Variants in NOA1 observed in about 807,000 individuals in gnomAD.
NOA1 encodes the protein nitric oxide associated 1, also known as nitric oxide-associated protein 1.
Under a neutral mutation model 58.4 loss-of-function variants are expected in NOA1, and 35 were observed. The observed-to-expected ratio is 0.60, with a 90% confidence interval of 0.46 to 0.79. The LOEUF is 0.79. NOA1 is among the 30% of genes least tolerant of loss of function. The pLI, the probability that NOA1 is intolerant of heterozygous loss-of-function variation, is 0.00. For synonymous variants in NOA1, 397 were observed against 373.4 expected (o/e 1.06, Z -0.73); for missense variants, 895 against 894.6 (o/e 1.00, Z -0.01).
rs373108884 is a variant in NOA1 at position 56,964,318 on chromosome 4, C to T, written c.1885+88G>A. 8.6e-6 allele frequency: 13 copies of T among 1,508,526 alleles called. No homozygotes were observed. The East Asian group carries it at 1.2e-4, about 13-fold the overall frequency. 93.4% of individuals were successfully genotyped at this position (1,508,526 alleles called of 1,614,324 possible). ...CCGACCTCAGGTGATCCGCCCACCTCGGCCTCACAAAGTGCTGGGATTACA... is the reference window on the plus strand; with the variant it reads ...CCGACCTCAGGTGATCCGCCCACCTTGGCCTCACAAAGTGCTGGGATTACA... On this transcript the variant is annotated intron_variant, in intron 6 of 6. Coordinates refer to ENST00000264230, the MANE Select transcript of NOA1 (RefSeq NM_032313.4).
chr4:56,969,503 C>T lies in NOA1; in HGVS notation c.1516-988G>A, dbSNP rs570707045. 7.9e-5 allele frequency among the ~76,000 whole-genome samples: 12 copies of T among 152,154 alleles called. No individual in the cohort carries two copies. The East Asian group carries it at 1.4e-3, about 17-fold the overall frequency. ...AGGAGAATCACTTGAATCCGGGAGG[C>T]GGAGGTTGTGGTGAGCCGAGATTGC... is the stretch of plus-strand genomic sequence containing the variant. On this transcript the variant is annotated intron_variant, in intron 3 of 6. Transcript: ENST00000264230.
Position 56,968,004 on chromosome 4 carries a change from G to A in NOA1, c.1647+380C>T, listed in dbSNP as rs188613830. On this transcript the variant is annotated intron_variant, in intron 4 of 6. Coordinates refer to ENST00000264230, the MANE Select transcript of NOA1 (RefSeq NM_032313.4). ...GCAATTTCAGCTCACTGCAGCCTCC[G>A]CCTCCCAGGTTTAAGTGATCTTCCT... Among the ~76,000 whole-genome samples, 81 of 150,056 alleles carry A rather than the reference G, an allele frequency of 5.4e-4. 1 individual carries two copies. Among genetic ancestry groups the A allele is most frequent in the Non-Finnish European group, 9.0e-4 (61 of 67,736 alleles).
chr4:56,965,124 C>T (rs968223308), intron 5 of NOA1, among the ~76,000 whole-genome samples: 8 of 152,108 alleles, frequency 5.3e-5, no homozygotes, highest in African/African-American at 1.2e-4. Flanking sequence ...CTCAGCCTCC[C>T]GAGTAACTGG....
In NOA1 at chr4:56,968,420, C is replaced by G. The variant is rs1472794247; in HGVS notation, c.1611G>C (p.Leu537=). 6.2e-7 allele frequency: 1 copy of G among 1,613,066 alleles called. No individual in the cohort carries two copies. Among genetic ancestry groups the G allele is most frequent in the Non-Finnish European group, 8.5e-7 (1 of 1,179,786 alleles). Residue 537 remains leucine (L), a synonymous_variant, in exon 4 of 7, where the codon CTG becomes CTC. Coordinates refer to ENST00000264230, the MANE Select transcript of NOA1 (RefSeq NM_032313.4). ...CTATGCGGCCTATAGCACCCAAAAA[C>G]AGAACCATTCCTGGTTTAAGCACAA... is the stretch of plus-strand genomic sequence containing the variant. ...RTFVLKPGMV[L]FLGAIGRIDF...
chr4:56,977,531 C>T lies in NOA1; in HGVS notation c.55G>A (p.Ala19Thr). Reference protein sequence around the residue: ...RLLSLFLRGSAPTAARHGLRE... With the variant: ...RLLSLFLRGSTPTAARHGLRE... ...AGGCCATGGCGCGCTGCCGTGGGAG[C>T]GGATCCACGAAGGAAAAGGCTCAGC... The change falls in exon 1 of 7, where the codon GCT becomes ACT. Residue 19 changes from alanine to threonine, a missense_variant. Physicochemically the swap from Ala to Thr is moderately conservative, Grantham distance 58. Transcript: ENST00000264230. 1.9e-6 allele frequency: 3 copies of T among 1,612,344 alleles called. No individual in the cohort carries two copies. The highest frequency in any genetic ancestry group is 1.3e-5 in the African/African-American group (1 of 75,018).
intron 1 of NOA1, among the ~76,000 whole-genome samples, chr4:56,975,441 G>T (rs1329551525): frequency 2.0e-5 from 3 of 147,710 alleles, no homozygotes; most frequent in Non-Finnish European, 4.5e-5. Context: ...GACCTGCCTG[G>T]CCAACATGTT....
At chr4:56,967,919 G>GTT (rs34091656) in intron 4 of NOA1, among the ~76,000 whole-genome samples, 15 of 141,136 alleles carry the variant, frequency 1.1e-4, no homozygotes, top group Admixed American at 1.4e-4. Context: ...TTTTCCCCAA[G>GTT]TTTTTTTTTT....
chr4:56,965,593 G>A (rs537402018), intron 5 of NOA1, among the ~76,000 whole-genome samples: 1 of 152,092 alleles, frequency 6.6e-6, no homozygotes, highest in South Asian at 2.1e-4. Flanking sequence ...ATGAGTCAAA[G>A]TTATTTGGTG....
rs573556220 is a variant in NOA1 at position 56,977,225 on chromosome 4, A to G, written c.361T>C (p.Ser121Pro). The G allele has an allele frequency of 6.3e-7, 1 of 1,584,512 alleles. No homozygotes were observed. The highest frequency in any genetic ancestry group is 8.6e-7 in the Non-Finnish European group (1 of 1,167,448). ...ERRQQNLRAR[S>P]REHPVVGHPD... is the part of the protein sequence containing the mutation. ...TGCCCCACGACCGGGTGCTCCCGGG[A>G]CCTGGCCCGTAGGTTTTGCTGTCGC... Residue 121 changes from serine to proline, a missense_variant, in exon 1 of 7, where the codon TCC (serine) becomes CCC (proline). By Grantham distance (74) the Ser-to-Pro change is moderately conservative. Transcript: ENST00000264230.
chr4:56,977,118 G>A lies in NOA1; in HGVS notation c.468C>T (p.Pro156=), dbSNP rs563555618. The change falls in exon 1 of 7, where the codon CCC becomes CCT. Residue 156 remains proline (P), a synonymous_variant. Transcript: ENST00000264230. ...AELHCQDAGV[P]GYLPREKFLR... is the part of the protein sequence containing the mutation. The stretch of plus-strand genomic sequence containing the variant: ...GGAACTTCTCTCGGGGCAGGTAGCC[G>A]GGCACTCCGGCGTCCTGGCAGTGCA... The A allele has an allele frequency of 2.1e-5, 32 of 1,556,780 alleles. 1 individual carries two copies. The Middle Eastern group carries it at 1.2e-3, about 59-fold the overall frequency.
Position 56,976,874 on chromosome 4 carries a change from C to T in NOA1, c.712G>A (p.Val238Met), listed in dbSNP as rs1186399066. 1.9e-6 allele frequency: 3 copies of T among 1,613,122 alleles called. No individual in the cohort carries two copies. Among genetic ancestry groups the T allele is most frequent in the Admixed American group, 1.7e-5 (1 of 60,024 alleles). Residue 238 changes from valine (V) to methionine (M), a missense_variant, in exon 1 of 7, where the codon GTG becomes ATG. Physicochemically the swap from Val to Met is conservative, Grantham distance 21. Around this residue, in one of 3 missense-constraint regions of NOA1, gnomAD observed 680 missense variants for 656.5 expected, o/e 1.04. Transcript: ENST00000264230. ...DALLPDLPAL[V>M]GPKQLIVLGN... ...AGCACGATCAGCTGCTTGGGGCCCA[C>T]CAGCGCGGGCAAGTCGGGCAGCAGG...
rs568096274 is a variant in NOA1, at chr4:56,973,715, G to A, written c.1309+143C>T. Reference sequence around the variant, plus strand: ...TGGGTTTCCAAACAGTAGCCTTATCGCTAAAGGGCCTCTTTGTTGCAGAAT... The same window carrying A: ...TGGGTTTCCAAACAGTAGCCTTATCACTAAAGGGCCTCTTTGTTGCAGAAT... On this transcript the variant is annotated intron_variant, in intron 2 of 6. Coordinates refer to ENST00000264230, the MANE Select transcript of NOA1 (RefSeq NM_032313.4). 3.4e-4 allele frequency: 269 copies of A among 788,544 alleles called. 2 individuals carry two copies. In the South Asian group the frequency reaches 3.8e-3, roughly 11 times the overall value. The allele number at this position is 788,544 out of a possible 1,614,324, so 48.8% of individuals were successfully genotyped here.
intron 5 of NOA1, among the ~76,000 whole-genome samples, chr4:56,965,717 TGTGTGTGTGTATTGGTGATGAG>T (rs1204051522): frequency 7.8e-6 from 1 of 128,462 alleles, no homozygotes; most frequent in East Asian, 2.7e-4. Flanking sequence ...TGTGTGTGTG[TGTGTGTGTGTATTGGTGATGAG>T]GCTGTCAGGA....
intron 1 of NOA1, among the ~76,000 whole-genome samples, chr4:56,975,061 C>T (rs923755259): frequency 6.6e-6 from 1 of 151,592 alleles, no homozygotes; most frequent in South Asian, 2.1e-4. Flanking sequence ...CTCTGTTGTC[C>T]AGGCTGGATT....
At position 56,968,572 on chromosome 4, in the gene NOA1, T is replaced by A. The variant is rs369117640; in HGVS notation, c.1516-57A>T. 143 of 1,356,768 alleles carry A rather than the reference T, an allele frequency of 1.1e-4. No individual in the cohort carries two copies. In the African/African-American group the frequency reaches 1.9e-3, roughly 18 times the overall value. The allele number at this position is 1,356,768 out of a possible 1,614,324, so 84.0% of individuals were successfully genotyped here. ...TACTTTTATTGAAAATATGATATAT[T>A]ATGATTTACCCGTAAAATAAAAAGT... On this transcript the variant is annotated intron_variant, in intron 3 of 6. Coordinates refer to ENST00000264230, the MANE Select transcript of NOA1 (RefSeq NM_032313.4).
At position 56,968,574 on chromosome 4, in the gene NOA1, T is replaced by C. The variant is rs183105169; in HGVS notation, c.1516-59A>G. The C allele has an allele frequency of 5.4e-4, 729 of 1,344,284 alleles. 3 individuals are homozygous for C. In the African/African-American group the frequency reaches 0.01, roughly 18 times the overall value. 83.3% of individuals were successfully genotyped at this position (1,344,284 alleles called of 1,614,324 possible). A position where few individuals can be genotyped will look rare whatever the true frequency, so the allele number is the denominator to read the frequency against. On this transcript the variant is annotated intron_variant, in intron 3 of 6. Transcript: ENST00000264230. ...CTTTTATTGAAAATATGATATATTA[T>C]GATTTACCCGTAAAATAAAAAGTGA...
chr4:56,975,856 C>G (rs1721910095), intron 1 of NOA1, among the ~76,000 whole-genome samples: 1 of 151,828 alleles, frequency 6.6e-6, no homozygotes. Context: ...CAGAGCAAGA[C>G]AAGACTCCGT....
chr4:56,967,391 A>AC (rs33912247), intron 4 of NOA1, among the ~76,000 whole-genome samples: 9,181 of 151,150 alleles, frequency 0.061, 315 homozygotes, highest in Middle Eastern at 0.09. Flanking sequence ...AAAAAAAAAA[A>AC]CAAAAAAACA....
At chr4:56,966,123 T>C (rs1372153309) in intron 5 of NOA1, among the ~76,000 whole-genome samples, 1 of 147,784 alleles carries the variant, frequency 6.8e-6, no homozygotes, top group East Asian at 2.0e-4. Context: ...GCCGCTCTGG[T>C]TCAAGTGATT....
Sources: allele counts gnomAD v4.1 joint callset (sites outside exome capture counted in the v4.1 genomes callset), GRCh38; gene constraint gnomAD v4.1.1; regional missense constraint gnomAD v4.1.1; transcripts MANE v1.5; gene names NCBI Gene and HGNC (gene_info 2026-07-23, HGNC 2026-07-21).